The following CGNL1 variants were observed in gnomAD, a reference collection of about 807,000 sequenced individuals.
CGNL1 encodes the protein cingulin-like protein 1.
A neutral mutation model predicts 141.2 loss-of-function variants in CGNL1; 132 were observed. That is an observed-to-expected ratio of 0.93 (90% CI 0.81 to 1.08). The LOEUF (loss-of-function observed/expected upper bound fraction) is 1.08, where lower values mean the gene tolerates loss of function less well. Ranked by LOEUF, CGNL1 falls within the 50% of genes least tolerant of loss-of-function variation. The pLI, the probability that CGNL1 is intolerant of heterozygous loss-of-function variation, is 0.00. For synonymous variants in CGNL1, 690 were observed against 622.1 expected (o/e 1.11, Z -1.63); for missense variants, 1,870 against 1,588.6 (o/e 1.18, Z -3.01).
At chr15:57,429,319 A>C (rs2063016762) in intron 1 of CGNL1, among the ~76,000 whole-genome samples, 1 of 152,158 alleles carries the variant, frequency 6.6e-6, no homozygotes, top group African/African-American at 2.4e-5. Context: ...AGGTTTAGGT[A>C]AGTATCATAT....
rs539452147 is a variant in CGNL1, at chr15:57,468,218, C to CT, written c.2403+6330dup. On this transcript the variant is annotated intron_variant, in intron 8 of 18. Transcript: ENST00000281282. ...TTTCTTCCTTTTTTTCTTTCTTTTT[C>CT]TTTTCTTTTCTTTTTCTTTTTTTTT... is the stretch of plus-strand genomic sequence containing the variant. Among the ~76,000 whole-genome samples, 38 of 129,850 alleles carry CT rather than the reference C, an allele frequency of 2.9e-4. No homozygotes were observed. The South Asian group carries it at 9.0e-3, about 31-fold the overall frequency. The allele number at this position is 129,850 out of a possible 152,430, so 85.2% of individuals were successfully genotyped here.
chr15:57,503,981 T>C (rs561892898), intron 8 of CGNL1, among the ~76,000 whole-genome samples: 1 of 152,146 alleles, frequency 6.6e-6, no homozygotes, highest in East Asian at 1.9e-4. Flanking sequence ...GTATTCACGG[T>C]TATTGAGCAG....
At chr15:57,523,384 A>G in intron 10 of CGNL1, 105 bp from the exon 11 acceptor site, 1 of 906,924 alleles carries the variant, frequency 1.1e-6, no homozygotes, top group Admixed American at 2.5e-5. Context: ...CGGATTTAAC[A>G]GATCTGATTG....
intron 8 of CGNL1, among the ~76,000 whole-genome samples, chr15:57,510,024 C>A (rs1201302423): frequency 6.6e-6 from 1 of 152,156 alleles, no homozygotes; most frequent in African/African-American, 2.4e-5. Context: ...GCAGTGTAGT[C>A]GCCCTGGAAG....
intron 1 of CGNL1, among the ~76,000 whole-genome samples, chr15:57,418,432 G>A (rs544357844): frequency 3.3e-5 from 5 of 151,802 alleles, no homozygotes; most frequent in South Asian, 2.1e-4. Flanking sequence ...TAATCAGTTC[G>A]GTTTTTCATC....
chr15:57,379,551 G>C (rs117610945), intron 1 of CGNL1, among the ~76,000 whole-genome samples: 2 of 152,118 alleles, frequency 1.3e-5, no homozygotes, highest in South Asian at 4.1e-4. Context: ...CTCTTTCCCC[G>C]TGAAACCCAT....
intron 1 of CGNL1, among the ~76,000 whole-genome samples, chr15:57,424,536 T>C (rs2062952355): frequency 6.6e-6 from 1 of 152,212 alleles, no homozygotes; most frequent in Admixed American, 6.5e-5. Flanking sequence ...ACATAAAGCA[T>C]TAGTATCAGC....
At chr15:57,395,103 T>G (rs1308479265) in intron 1 of CGNL1, among the ~76,000 whole-genome samples, 2 of 152,206 alleles carry the variant, frequency 1.3e-5, no homozygotes, top group East Asian at 1.9e-4. Context: ...AGAGTGAGAC[T>G]CCGTCTCAAA....
At chr15:57,514,080 T>C (rs2030566954) in intron 8 of CGNL1, among the ~76,000 whole-genome samples, 5 of 152,198 alleles carry the variant, frequency 3.3e-5, no homozygotes. Context: ...ATTTCCCTAA[T>C]GACTAATGAT....
At chr15:57,490,736 G>T (rs527564279) in intron 8 of CGNL1, among the ~76,000 whole-genome samples, 3 of 152,248 alleles carry the variant, frequency 2.0e-5, no homozygotes, top group South Asian at 4.2e-4. Flanking sequence ...AGGATGAAGT[G>T]GGGGAGAAAA....
chr15:57,485,343 C>T (rs2063773144), intron 8 of CGNL1, among the ~76,000 whole-genome samples: 1 of 151,954 alleles, frequency 6.6e-6, no homozygotes, highest in Non-Finnish European at 1.5e-5. Flanking sequence ...GGTATATATT[C>T]TTGAAAAGAT....
intron 8 of CGNL1, among the ~76,000 whole-genome samples, chr15:57,493,876 A>G (rs575734233): frequency 6.6e-6 from 1 of 152,256 alleles, no homozygotes; most frequent in Non-Finnish European, 1.5e-5. Flanking sequence ...TGGAGCTCCA[A>G]TTGTATATAT....
intron 8 of CGNL1, among the ~76,000 whole-genome samples, chr15:57,472,119 G>T (rs1372978640): frequency 1.3e-5 from 2 of 152,052 alleles, no homozygotes; most frequent in Non-Finnish European, 2.9e-5. Flanking sequence ...TGTGATAAAT[G>T]CTTTGAAGTT....
chr15:57,511,306 T>G (rs2030285441), intron 8 of CGNL1, among the ~76,000 whole-genome samples: 1 of 152,212 alleles, frequency 6.6e-6, no homozygotes, highest in African/African-American at 2.4e-5. Flanking sequence ...GTCCCATGCT[T>G]CTTCCTCACT....
intron 6 of CGNL1, among the ~76,000 whole-genome samples, chr15:57,452,838 C>T (rs929807075): frequency 1.3e-5 from 2 of 152,126 alleles, no homozygotes; most frequent in African/African-American, 4.8e-5. Context: ...CTATGACGTT[C>T]TGTGGACACG....
intron 1 of CGNL1, among the ~76,000 whole-genome samples, chr15:57,391,540 A>G (rs2062543295): frequency 6.6e-6 from 1 of 152,224 alleles, no homozygotes; most frequent in East Asian, 1.9e-4. Context: ...CTGGGCTTCT[A>G]TCTAGAGAGC....
intron 12 of CGNL1, among the ~76,000 whole-genome samples, chr15:57,525,965 A>G (rs2031586267): frequency 6.6e-6 from 1 of 152,094 alleles, no homozygotes; most frequent in Non-Finnish European, 1.5e-5. Context: ...ACCAACAAGC[A>G]CCTGGTCTGA....
chr15:57,522,743 A>C (rs758569554), intron 10 of CGNL1, among the ~76,000 whole-genome samples: 1 of 152,204 alleles, frequency 6.6e-6, no homozygotes, highest in Non-Finnish European at 1.5e-5. Context: ...GTGAGATGAG[A>C]GCCTCAGGGG....
In CGNL1 at chr15:57,530,955, C is replaced by T. The variant is rs1160694776; in HGVS notation, c.3202-735C>T. On this transcript the variant is annotated intron_variant, in intron 13 of 18. Transcript: ENST00000281282. ...GCTCTGAGTTTACTTAGACCTATGA[C>T]AGATTGGCTGGTGACAGGAGAAACA... is the stretch of plus-strand genomic sequence containing the variant. Among the ~76,000 whole-genome samples the T allele has an allele frequency of 2.6e-5, 4 of 152,316 alleles. No homozygotes were observed. The East Asian group carries it at 7.7e-4, about 29-fold the overall frequency.
Sources: allele counts gnomAD v4.1 joint callset (sites outside exome capture counted in the v4.1 genomes callset), GRCh38; gene constraint gnomAD v4.1.1; transcripts MANE v1.5; gene names NCBI Gene and HGNC (gene_info 2026-07-23, HGNC 2026-07-21).